Variants in SKI observed in about 807,000 individuals in gnomAD.
SKI encodes SKI proto-oncogene.
In SKI, 23 loss-of-function variants were observed where a neutral mutation model predicts 59.3. That is an observed-to-expected ratio of 0.39 (90% CI 0.28 to 0.55). SKI has a LOEUF of 0.55. Among genes scored for constraint, SKI ranks in the 20% least tolerant of loss-of-function variants. The pLI is 0.67. For missense variants in SKI, 1,017 were observed against 1,038.9 expected (o/e 0.98, Z 0.29); for synonymous variants, 673 against 488.6 (o/e 1.38, Z -4.98).
chr1:2,241,036 C>T (rs1009666848), intron 1 of SKI, among the ~76,000 whole-genome samples: 11 of 152,198 alleles, frequency 7.2e-5, no homozygotes, highest in African/African-American at 2.7e-4. Flanking sequence ...CATCCCTGGC[C>T]TCTGCCATTT....
intron 1 of SKI, among the ~76,000 whole-genome samples, chr1:2,302,716 G>C (rs376686918): frequency 6.6e-6 from 1 of 152,208 alleles, no homozygotes; most frequent in South Asian, 2.1e-4. Context: ...CGGAATGGCA[G>C]GACAAGGTCC....
In SKI at chr1:2,309,397, A is replaced by G. The variant is rs1164056224; in HGVS notation, c.*2632A>G. ...TTCATATCTCTGGAGCAGCTAACTC[A>G]TACACGTAATGTCTGCTTTTCGTAC... On this transcript the variant is annotated 3_prime_UTR_variant, in exon 7 of 7. Transcript: ENST00000378536. 6.6e-6 allele frequency: 1 copy of G among 152,216 alleles called. No homozygotes were observed. The highest frequency in any genetic ancestry group is 1.5e-5 in the Non-Finnish European group (1 of 68,038). The allele number at this position is 152,216 out of a possible 1,614,324, so 9.4% of individuals were successfully genotyped here.
intron 1 of SKI, among the ~76,000 whole-genome samples, chr1:2,245,122 C>T (rs116374150): frequency 0.054 from 8,188 of 152,206 alleles, 296 homozygotes; most frequent in Middle Eastern, 0.15. Context: ...AACACCCACC[C>T]GCCGCTTTCT....
chr1:2,306,435 G>T, intron 6 of SKI, 142 bp from the exon 7 acceptor site: 1 of 1,014,134 alleles, frequency 9.9e-7, no homozygotes, highest in Non-Finnish European at 1.4e-6. Flanking sequence ...TCGTGAGCCT[G>T]TGTCCTAGCA....
chr1:2,274,682 G>A (rs1639703109), intron 1 of SKI, among the ~76,000 whole-genome samples: 1 of 152,258 alleles, frequency 6.6e-6, no homozygotes, highest in Non-Finnish European at 1.5e-5. Context: ...CTGGCCATGA[G>A]CCATGACAGT....
At chr1:2,254,682 T>G (rs1389063863) in intron 1 of SKI, among the ~76,000 whole-genome samples, 1 of 152,166 alleles carries the variant, frequency 6.6e-6, no homozygotes, top group Non-Finnish European at 1.5e-5. Flanking sequence ...TGGAGTCTTC[T>G]CTTTGTTCCT....
chr1:2,254,231 A>C lies in SKI; in HGVS notation c.969+24496A>C, dbSNP rs554730970. Reference sequence around the variant, plus strand: ...GAATCTGGAAGGTCCACGCTAGAGGAGGCCACGACCTGCTGGTGCGCCTGC... The same window carrying C: ...GAATCTGGAAGGTCCACGCTAGAGGCGGCCACGACCTGCTGGTGCGCCTGC... On this transcript the variant is annotated intron_variant, in intron 1 of 6. Transcript: ENST00000378536. 5.9e-5 allele frequency among the ~76,000 whole-genome samples: 9 copies of C among 152,264 alleles called. No homozygotes were observed. The South Asian group carries it at 1.7e-3, about 28-fold the overall frequency.
rs756659435 is a variant in SKI at position 2,303,923 on chromosome 1, G to A, written c.1295G>A (p.Ser432Asn). 9 of 1,611,928 alleles carry A rather than the reference G, an allele frequency of 5.6e-6. No homozygotes were observed. Among genetic ancestry groups the A allele is most frequent in the Non-Finnish European group, 6.8e-6 (8 of 1,179,714 alleles). Residue 432 changes from serine to asparagine, a missense_variant, in exon 4 of 7, where the codon AGC becomes AAC. Ser to Asn is a conservative substitution (Grantham distance 46). Coordinates refer to ENST00000378536, the MANE Select transcript of SKI (RefSeq NM_003036.4). This position sits in a 1 kb window ranked among gnomAD's most constrained non-coding sequence, Gnocchi z 5.6. ...APPAQQKVVS[S>N]PPCAAAVSRA... is the part of the protein sequence containing the mutation. The stretch of plus-strand genomic sequence containing the variant: ...CCGGCCCAGCAGAAGGTTGTGAGCA[G>A]CCCTCCGTGTGCCGCCGCCGTCTCC...
intron 1 of SKI, among the ~76,000 whole-genome samples, chr1:2,230,683 CT>C (rs1429005612): frequency 6.6e-6 from 1 of 152,210 alleles, no homozygotes; most frequent in Non-Finnish European, 1.5e-5. Flanking sequence ...TCCTCAGGAA[CT>C]TTCCGTTGCG....
rs1639596143 is a variant in SKI, at chr1:2,270,630, C to T, written c.970-32348C>T. ...CCCGGGCAGACACCTCACGGCCTTT[C>T]TCTGGGTGTCTGAACCCAAGGTGAA... On this transcript the variant is annotated intron_variant, in intron 1 of 6. Coordinates refer to ENST00000378536, the MANE Select transcript of SKI (RefSeq NM_003036.4). This position sits in a 1 kb window ranked among gnomAD's most constrained non-coding sequence, Gnocchi z 4.1. 6.6e-6 allele frequency among the ~76,000 whole-genome samples: 1 copy of T among 152,102 alleles called. No individual in the cohort carries two copies. Among genetic ancestry groups the T allele is most frequent in the South Asian group, 2.1e-4 (1 of 4,834 alleles).
At chr1:2,246,026 C>A (rs1325742521) in intron 1 of SKI, among the ~76,000 whole-genome samples, 1 of 151,956 alleles carries the variant, frequency 6.6e-6, no homozygotes, top group Non-Finnish European at 1.5e-5. Context: ...TGACTCCTGG[C>A]CTCAAGCCGT....
chr1:2,274,109 A>C (rs12047069), intron 1 of SKI, among the ~76,000 whole-genome samples: 97,825 of 150,852 alleles, frequency 0.65, 32,341 homozygotes, highest in East Asian at 0.9. Flanking sequence ...AGGCACCTCC[A>C]GGTAAGGGGG....
At position 2,308,584 on chromosome 1, in the gene SKI, A is replaced by C. The variant is rs540292300; in HGVS notation, c.*1819A>C. The C allele has an allele frequency of 6.6e-6, 1 of 151,528 alleles. No homozygotes were observed. 9.4% of individuals were successfully genotyped at this position (151,528 alleles called of 1,614,324 possible). A position where few individuals can be genotyped will look rare whatever the true frequency, so the allele number is the denominator to read the frequency against. On this transcript the variant is annotated 3_prime_UTR_variant, in exon 7 of 7. Coordinates refer to ENST00000378536, the MANE Select transcript of SKI (RefSeq NM_003036.4). ...ATGCAACATGCAGAATGCTGTTTTT[A>C]GCCTTGTTTTACCAGAGTTGTTTTT... is the stretch of plus-strand genomic sequence containing the variant.
intron 1 of SKI, among the ~76,000 whole-genome samples, chr1:2,275,185 C>T (rs1010060284): frequency 6.6e-5 from 10 of 152,336 alleles, no homozygotes; most frequent in Middle Eastern, 3.4e-3. Flanking sequence ...GAGATGTGTT[C>T]GCGGGGTCCT....
In SKI at chr1:2,303,118, G is replaced by C; in HGVS notation, c.1095+15G>C. 1 of 1,613,136 alleles carries C rather than the reference G, an allele frequency of 6.2e-7. No homozygotes were observed. On this transcript the variant is annotated intron_variant, in intron 2 of 6. Coordinates refer to ENST00000378536, the MANE Select transcript of SKI (RefSeq NM_003036.4). The surrounding 1 kb of genome is among the most constrained non-coding windows in gnomAD (Gnocchi z 5.6). ...CTTCCAATAAGGTGCTGTGGGGCCTGTCGGGGTCCTTGGGGTGGTGGGTAC... is the reference window on the plus strand; with the variant it reads ...CTTCCAATAAGGTGCTGTGGGGCCTCTCGGGGTCCTTGGGGTGGTGGGTAC...
intron 1 of SKI, among the ~76,000 whole-genome samples, chr1:2,262,724 G>GT (rs201672395): frequency 3.4e-4 from 51 of 151,256 alleles, no homozygotes; most frequent in African/African-American, 1.1e-3. Context: ...TTTGTCAGGT[G>GT]TTTTTTTTTC....
chr1:2,238,658 C>A (rs1029378404), intron 1 of SKI, among the ~76,000 whole-genome samples: 1 of 152,186 alleles, frequency 6.6e-6, no homozygotes, highest in African/African-American at 2.4e-5. Flanking sequence ...ACAGGGCAGC[C>A]GAGCCACCCT....
chr1:2,248,242 GCCGCGTCC>G (rs1639041668), intron 1 of SKI, among the ~76,000 whole-genome samples: 2 of 152,194 alleles, frequency 1.3e-5, no homozygotes, highest in Non-Finnish European at 2.9e-5. Context: ...TGCCCACACT[GCCGCGTCC>G]CCTCTCCGGG....
At chr1:2,293,592 G>A (rs1167495788) in intron 1 of SKI, among the ~76,000 whole-genome samples, 1 of 152,172 alleles carries the variant, frequency 6.6e-6, no homozygotes, top group Non-Finnish European at 1.5e-5. Flanking sequence ...AGTTCTGCTC[G>A]AGCATCTGGT....
Sources: allele counts gnomAD v4.1 joint callset (sites outside exome capture counted in the v4.1 genomes callset), GRCh38; gene constraint gnomAD v4.1.1; non-coding constraint Gnocchi (gnomAD v3.1); transcripts MANE v1.5; gene names NCBI Gene and HGNC (gene_info 2026-07-23, HGNC 2026-07-21).